Variants in MARCHF1 observed in about 807,000 individuals in gnomAD.
MARCHF1 encodes membrane associated ring-CH-type finger 1.
MARCHF1 carries 40 observed loss-of-function variants against 54.2 expected under a neutral mutation model. That is an observed-to-expected ratio of 0.74 (90% CI 0.57 to 0.96). MARCHF1 has a LOEUF of 0.96. Among genes scored for constraint, MARCHF1 ranks in the 40% least tolerant of loss-of-function variants. The pLI is 0.00. For synonymous variants in MARCHF1, 236 were observed against 236.3 expected, an observed-to-expected ratio of 1.00 and a Z score of 0.01; for missense variants, 586 against 656.5, an observed-to-expected ratio of 0.89 and a Z score of 1.17.
At chr4:163,828,547 G>A (rs144583597) in intron 4 of MARCHF1, among the ~76,000 whole-genome samples, 2,167 of 151,958 alleles carry the variant, frequency 0.014, 24 homozygotes, top group Non-Finnish European at 0.019. Flanking sequence ...AGTTCTTTTC[G>A]GAAAGTAAGT....
intron 4 of MARCHF1, among the ~76,000 whole-genome samples, chr4:163,835,619 C>T (rs1396976596): frequency 6.6e-6 from 1 of 152,272 alleles, no homozygotes; most frequent in Non-Finnish European, 1.5e-5. Context: ...CATAAATCTT[C>T]TTCCACCATG....
chr4:163,603,935 A>T (rs1019537556), intron 7 of MARCHF1, among the ~76,000 whole-genome samples: 3 of 151,850 alleles, frequency 2.0e-5, no homozygotes, highest in African/African-American at 7.3e-5. Context: ...ACAAAAACTA[A>T]AAAGGCCTCT....
chr4:163,535,128 A>G (rs1738485216), intron 9 of MARCHF1, among the ~76,000 whole-genome samples: 1 of 152,080 alleles, frequency 6.6e-6, no homozygotes, highest in Non-Finnish European at 1.5e-5. Context: ...AGTATCGTTC[A>G]TAACGAAACA....
intron 8 of MARCHF1, among the ~76,000 whole-genome samples, chr4:163,576,372 T>C (rs938519201): frequency 1.3e-5 from 2 of 152,146 alleles, no homozygotes; most frequent in African/African-American, 4.8e-5. Flanking sequence ...TGATATAGAT[T>C]TCTATTTTTA....
intron 4 of MARCHF1, among the ~76,000 whole-genome samples, chr4:163,724,450 G>A (rs1289718815): frequency 6.6e-6 from 1 of 152,206 alleles, no homozygotes; most frequent in Non-Finnish European, 1.5e-5. Context: ...AGGCTACTTG[G>A]GGGTCAGGGA....
rs759607914 is a variant in MARCHF1, at chr4:163,527,424, A to T, written c.*1324T>A. Reference sequence around the variant, plus strand: ...CATATGGATGAAATAAGCCTTACACATTTGATTTAATAACAAAAATAGGTA... The same window carrying T: ...CATATGGATGAAATAAGCCTTACACTTTTGATTTAATAACAAAAATAGGTA... On this transcript the variant is annotated 3_prime_UTR_variant, in exon 10 of 10. Coordinates refer to ENST00000514618, the MANE Select transcript of MARCHF1 (RefSeq NM_001394959.1). The T allele has an allele frequency of 6.6e-6, 1 of 152,072 alleles. No homozygotes were observed. The highest frequency in any genetic ancestry group is 1.5e-5 in the Non-Finnish European group (1 of 67,966). 9.4% of individuals were successfully genotyped at this position (152,072 alleles called of 1,614,324 possible).
intron 4 of MARCHF1, among the ~76,000 whole-genome samples, chr4:163,836,222 T>G (rs1486261680): frequency 3.7e-4 from 1 of 2,706 alleles, no homozygotes; most frequent in Non-Finnish European, 7.9e-4. Context: ...GCAATTTATT[T>G]ATTTATTTAT....
intron 1 of MARCHF1, among the ~76,000 whole-genome samples, chr4:164,258,286 T>C (rs1284997378): frequency 1.3e-5 from 2 of 151,890 alleles, no homozygotes; most frequent in Non-Finnish European, 2.9e-5. Flanking sequence ...TTAGGAGAAA[T>C]ACCTAATGTA....
intron 1 of MARCHF1, among the ~76,000 whole-genome samples, chr4:164,242,045 AG>A (rs1732780707): frequency 6.6e-6 from 1 of 152,176 alleles, no homozygotes; most frequent in African/African-American, 2.4e-5. Flanking sequence ...GCAGCGAGGC[AG>A]GGGGAGGGGC....
intron 2 of MARCHF1, among the ~76,000 whole-genome samples, chr4:164,018,429 G>T (rs1030436678): frequency 1.3e-5 from 2 of 151,664 alleles, no homozygotes; most frequent in Non-Finnish European, 2.9e-5. Flanking sequence ...CTTAAACTCT[G>T]CCTATTTAGA....
At chr4:164,323,858 T>C (rs1227594136) in intron 1 of MARCHF1, among the ~76,000 whole-genome samples, 1 of 151,704 alleles carries the variant, frequency 6.6e-6, no homozygotes, top group Non-Finnish European at 1.5e-5. Context: ...GACATACTAT[T>C]TGAAAAATAA....
chr4:163,648,604 C>G (rs954725238), intron 5 of MARCHF1, among the ~76,000 whole-genome samples: 2 of 120,108 alleles, frequency 1.7e-5, no homozygotes, highest in Non-Finnish European at 3.3e-5. Context: ...AAATTATAGC[C>G]CATGAGCTAA....
intron 3 of MARCHF1, among the ~76,000 whole-genome samples, chr4:163,871,965 A>G (rs1750178504): frequency 6.6e-6 from 1 of 152,182 alleles, no homozygotes; most frequent in African/African-American, 2.4e-5. Flanking sequence ...TTTATACTGG[A>G]GTTTGTTATT....
rs1230221196 is a variant in MARCHF1 at position 163,889,926 on chromosome 4, CTT to C, written c.-38-35759_-38-35758del. Among the ~76,000 whole-genome samples, 10 of 50,850 alleles carry C rather than the reference CTT, an allele frequency of 2.0e-4. No individual in the cohort carries two copies. The East Asian group carries it at 4.8e-3, about 25-fold the overall frequency. The allele number at this position is 50,850 out of a possible 152,430, so 33.4% of individuals were successfully genotyped here. On this transcript the variant is annotated intron_variant, in intron 3 of 9. Coordinates refer to ENST00000514618, the MANE Select transcript of MARCHF1 (RefSeq NM_001394959.1). ...ACTTCGTTTATTTATTTTCTTTTTT[CTT>C]TTTTTTTTTTTTTTGAGATGGAATC...
intron 1 of MARCHF1, among the ~76,000 whole-genome samples, chr4:164,216,889 T>C (rs532233884): frequency 6.6e-6 from 1 of 152,326 alleles, no homozygotes; most frequent in East Asian, 1.9e-4. Flanking sequence ...AACCCAAGAA[T>C]ACTTTAACTA....
chr4:163,619,409 T>G (rs1741608693), intron 5 of MARCHF1, among the ~76,000 whole-genome samples: 1 of 152,122 alleles, frequency 6.6e-6, no homozygotes, highest in Non-Finnish European at 1.5e-5. Flanking sequence ...AAAAATAATT[T>G]GAAAGATCAA....
At chr4:164,025,413 A>T (rs754492318) in intron 2 of MARCHF1, among the ~76,000 whole-genome samples, 5 of 152,048 alleles carry the variant, frequency 3.3e-5, no homozygotes, top group Non-Finnish European at 7.4e-5. Context: ...AAAAATAAAA[A>T]CAGAAATTAC....
chr4:164,037,516 A>G (rs1754030899), intron 2 of MARCHF1, among the ~76,000 whole-genome samples: 1 of 152,220 alleles, frequency 6.6e-6, no homozygotes, highest in African/African-American at 2.4e-5. Flanking sequence ...ATTCACACTC[A>G]TATAAATAAA....
At chr4:164,124,907 T>G (rs1040591683) in intron 1 of MARCHF1, among the ~76,000 whole-genome samples, 3 of 152,054 alleles carry the variant, frequency 2.0e-5, no homozygotes, top group African/African-American at 7.2e-5. Flanking sequence ...ATAACATAAT[T>G]ATATATTTTA....
Sources: gnomAD v4.1 joint callset for allele counts (sites outside exome capture counted in the v4.1 genomes callset) on GRCh38, gnomAD v4.1.1 for gene constraint, MANE v1.5 for transcripts, NCBI Gene and HGNC (gene_info 2026-07-23, HGNC 2026-07-21) for gene names.